The following CYSTM1 variants were observed in gnomAD, a reference collection of about 807,000 sequenced individuals.
CYSTM1 encodes the protein cysteine-rich transmembrane module-containing protein 1.
A neutral mutation model predicts 13.1 loss-of-function variants in CYSTM1; 4 were observed. The ratio of observed to expected loss-of-function variants is 0.31; its 90% CI spans 0.15 to 0.70. CYSTM1 has a LOEUF of 0.70. Among genes scored for constraint, CYSTM1 ranks in the 30% least tolerant of loss-of-function variants. The pLI, the probability that CYSTM1 is intolerant of heterozygous loss-of-function variation, is 0.72. For synonymous variants in CYSTM1, 36 were observed against 42.7 expected, an observed-to-expected ratio of 0.84 and a Z score of 0.62; for missense variants, 96 against 121.6, an observed-to-expected ratio of 0.79 and a Z score of 0.99.
At chr5:140,196,954 A>G (rs1031914383) in intron 2 of CYSTM1, among the ~76,000 whole-genome samples, 1 of 152,192 alleles carries the variant, frequency 6.6e-6, no homozygotes, top group Admixed American at 6.5e-5. Flanking sequence ...CTTGATATAA[A>G]CATTCTTCAA....
rs192080711 is a variant in CYSTM1 at position 140,193,512 on chromosome 5, C to T, written c.-20-934C>T. 3.6e-3 allele frequency among the ~76,000 whole-genome samples: 547 copies of T among 152,232 alleles called. 1 individual carries two copies. Among genetic ancestry groups the T allele is most frequent in the Admixed American group, 6.5e-3 (100 of 15,288 alleles). ...TTAGCCAGGATGGTCTCAATCTCAA[C>T]GTGATCCGCCCGCCTCGGCCTCCCA... On this transcript the variant is annotated intron_variant, in intron 1 of 2. Transcript: ENST00000261811.
chr5:140,195,091 A>T (rs1764138882), intron 2 of CYSTM1, among the ~76,000 whole-genome samples: 1 of 152,074 alleles, frequency 6.6e-6, no homozygotes, highest in South Asian at 2.1e-4. Flanking sequence ...TGTTTTCATA[A>T]TTCTATTTAA....
At chr5:140,213,289 A>T (rs1764392354) in intron 2 of CYSTM1, among the ~76,000 whole-genome samples, 1 of 151,960 alleles carries the variant, frequency 6.6e-6, no homozygotes, top group African/African-American at 2.4e-5. Flanking sequence ...AATAAATTTT[A>T]AAAATAGAAA....
At chr5:140,180,381 G>T (rs934797859) in intron 1 of CYSTM1, among the ~76,000 whole-genome samples, 2 of 152,158 alleles carry the variant, frequency 1.3e-5, no homozygotes, top group African/African-American at 4.8e-5. Flanking sequence ...GACAGAAAAG[G>T]CTTTCTGTTA....
intron 2 of CYSTM1, among the ~76,000 whole-genome samples, chr5:140,229,543 T>C (rs1314248103): frequency 6.6e-6 from 1 of 152,134 alleles, no homozygotes; most frequent in Non-Finnish European, 1.5e-5. Flanking sequence ...TTAGAAGTCA[T>C]GTTTATCATC....
At chr5:140,179,357 G>A (rs113508018) in intron 1 of CYSTM1, among the ~76,000 whole-genome samples, 9 of 151,738 alleles carry the variant, frequency 5.9e-5, no homozygotes, top group Admixed American at 5.2e-4. Flanking sequence ...CCAGGAGTTC[G>A]AGACCAGCCT....
intron 1 of CYSTM1, among the ~76,000 whole-genome samples, chr5:140,181,431 G>A (rs35663190): frequency 0.18 from 27,462 of 151,970 alleles, 2,841 homozygotes; most frequent in South Asian, 0.24. Context: ...CTAATTTTTG[G>A]TGGCCTTTAA....
chr5:140,232,946 A>G (rs1764634223), intron 2 of CYSTM1, among the ~76,000 whole-genome samples: 2 of 152,224 alleles, frequency 1.3e-5, no homozygotes, highest in African/African-American at 4.8e-5. Context: ...TGGAGGGTCC[A>G]GCACATAGAT....
intron 2 of CYSTM1, among the ~76,000 whole-genome samples, chr5:140,218,904 A>G (rs1181144720): frequency 6.6e-6 from 1 of 152,186 alleles, no homozygotes; most frequent in Non-Finnish European, 1.5e-5. Flanking sequence ...CCCTCCCAGC[A>G]TATTTTTGGA....
At chr5:140,212,060 T>A (rs1388763453) in intron 2 of CYSTM1, among the ~76,000 whole-genome samples, 2 of 152,156 alleles carry the variant, frequency 1.3e-5, no homozygotes, top group Non-Finnish European at 2.9e-5. Context: ...TCATATTGAA[T>A]CCATATAGCA....
chr5:140,182,921 C>G (rs1016709452), intron 1 of CYSTM1, among the ~76,000 whole-genome samples: 12 of 152,206 alleles, frequency 7.9e-5, no homozygotes, highest in African/African-American at 2.6e-4. Flanking sequence ...TAAGAGCCAC[C>G]CCGCAGTGCT....
chr5:140,209,231 G>A (rs552295333), intron 2 of CYSTM1, among the ~76,000 whole-genome samples: 1 of 151,446 alleles, frequency 6.6e-6, no homozygotes, highest in South Asian at 2.1e-4. Flanking sequence ...CTCTGGGCTT[G>A]ATTTTGTAGA....
Position 140,243,376 on chromosome 5 carries a change from C to G in CYSTM1, c.259C>G (p.Leu87Val). The change falls in exon 3 of 3, where the codon CTC becomes GTC. Residue 87 changes from leucine (L) to valine (V), a missense_variant. Physicochemically the swap from Leu to Val is conservative, Grantham distance 32. Coordinates refer to ENST00000261811, the MANE Select transcript of CYSTM1 (RefSeq NM_032412.4). ...STCLTACWTA[L>V]CCCCLWDMLT ...CTGCCTCACAGCCTGCTGGACGGCTCTCTGTTGCTGCTGTCTCTGGGACAT... is the reference window on the plus strand; with the variant it reads ...CTGCCTCACAGCCTGCTGGACGGCTGTCTGTTGCTGCTGTCTCTGGGACAT... The G allele has an allele frequency of 1.2e-6, 2 of 1,614,158 alleles. No individual in the cohort carries two copies. Among genetic ancestry groups the G allele is most frequent in the Non-Finnish European group, 1.7e-6 (2 of 1,180,014 alleles).
intron 2 of CYSTM1, among the ~76,000 whole-genome samples, chr5:140,220,859 G>C (rs1195915864): frequency 6.6e-6 from 1 of 152,060 alleles, no homozygotes; most frequent in East Asian, 1.9e-4. Context: ...GTCCAGGCTG[G>C]CTCCAGGGGC....
intron 2 of CYSTM1, among the ~76,000 whole-genome samples, chr5:140,235,521 T>G (rs888238661): frequency 6.6e-6 from 1 of 151,634 alleles, no homozygotes; most frequent in African/African-American, 2.4e-5. Context: ...TTCTCCTGCC[T>G]CAGCCTCCTG....
chr5:140,237,898 T>C (rs1475139953), intron 2 of CYSTM1, among the ~76,000 whole-genome samples: 3 of 152,286 alleles, frequency 2.0e-5, no homozygotes, highest in East Asian at 3.9e-4. Flanking sequence ...CACTTCAGGA[T>C]GGTGGCAAAT....
intron 2 of CYSTM1, among the ~76,000 whole-genome samples, chr5:140,231,868 G>A (rs907853827): frequency 1.3e-5 from 2 of 152,212 alleles, no homozygotes; most frequent in Non-Finnish European, 2.9e-5. Flanking sequence ...AAGGATTTTG[G>A]TATTTGTCTT....
At chr5:140,202,817 T>G (rs1764248848) in intron 2 of CYSTM1, 1 of 152,206 alleles carries the variant, frequency 6.6e-6, no homozygotes, top group Non-Finnish European at 1.5e-5. Context: ...TATTTCTGTG[T>G]GCATTCCAAA....
rs1764775360 is a variant in CYSTM1 at position 140,243,341 on chromosome 5, G to A, written c.224G>A (p.Gly75Glu). ...VVEDQRRDEL[G>E]PSTCLTACWT... ...GAAGACCAAAGAAGAGATGAGCTAG[G>A]ACCATCCACCTGCCTCACAGCCTGC... The change falls in exon 3 of 3, where the codon GGA becomes GAA. Residue 75 changes from glycine (G) to glutamate (E), a missense_variant. Transcript: ENST00000261811. 1.2e-6 allele frequency: 2 copies of A among 1,613,986 alleles called. No homozygotes were observed. The highest frequency in any genetic ancestry group is 1.3e-5 in the African/African-American group (1 of 74,898).
Sources: gnomAD v4.1 joint callset for allele counts (sites outside exome capture counted in the v4.1 genomes callset) on GRCh38, gnomAD v4.1.1 for gene constraint, MANE v1.5 for transcripts, NCBI Gene and HGNC (gene_info 2026-07-23, HGNC 2026-07-21) for gene names.